ARIH1: variants seen among roughly 807,000 people sequenced by gnomAD.
ARIH1 encodes the protein ariadne RBR E3 ubiquitin protein ligase 1, also known as E3 ubiquitin-protein ligase ARIH1.
In ARIH1, 8 loss-of-function variants were observed where a neutral mutation model predicts 85.0. The observed-to-expected ratio is 0.09, with a 90% CI of 0.06 to 0.17. The LOEUF is 0.17. Among genes scored for constraint, ARIH1 ranks in the 10% least tolerant of loss-of-function variants. The pLI is 1.00. For synonymous variants in ARIH1, 238 were observed against 253.6 expected, an observed-to-expected ratio of 0.94 and a Z score of 0.59; for missense variants, 311 against 718.1, an observed-to-expected ratio of 0.43 and a Z score of 6.48.
intron 2 of ARIH1, among the ~76,000 whole-genome samples, chr15:72,533,024 G>GT (rs1437857326): frequency 1.3e-5 from 2 of 152,196 alleles, no homozygotes; most frequent in African/African-American, 2.4e-5. Flanking sequence ...TGTGGATATC[G>GT]TATCTCCAGT....
chr15:72,546,704 T>G lies in ARIH1; in HGVS notation c.588+1740T>G, dbSNP rs116524858. On this transcript the variant is annotated intron_variant, in intron 3 of 13. Transcript: ENST00000379887. ...TTTGTTTTGTTTTGTTTGTTTGTTTTTTTTGTAGAGACGGGGTTTCACCTG... is the reference window on the plus strand; with the variant it reads ...TTTGTTTTGTTTTGTTTGTTTGTTTGTTTTGTAGAGACGGGGTTTCACCTG... Among the ~76,000 whole-genome samples, 1,457 of 152,106 alleles carry G rather than the reference T, an allele frequency of 9.6e-3. 24 individuals are homozygous for G. Among genetic ancestry groups the G allele is most frequent in the African/African-American group, 0.032 (1,311 of 41,474 alleles).
At chr15:72,502,634 G>GGC (rs1345276065) in intron 1 of ARIH1, among the ~76,000 whole-genome samples, 1 of 151,988 alleles carries the variant, frequency 6.6e-6, no homozygotes, top group African/African-American at 2.4e-5. Flanking sequence ...GCGAAACCCT[G>GGC]TCTCTACAAA....
chr15:72,543,977 C>G (rs976144559), intron 2 of ARIH1, among the ~76,000 whole-genome samples: 1 of 152,014 alleles, frequency 6.6e-6, no homozygotes, highest in Non-Finnish European at 1.5e-5. Flanking sequence ...TTAACCACCT[C>G]AACCCACCTT....
At chr15:72,479,578 T>C (rs149933922) in intron 1 of ARIH1, among the ~76,000 whole-genome samples, 1 of 151,958 alleles carries the variant, frequency 6.6e-6, no homozygotes, top group East Asian at 2.0e-4. Flanking sequence ...CCAACTAATT[T>C]TTGTATTTTT....
chr15:72,527,668 G>A (rs893111550), intron 2 of ARIH1, among the ~76,000 whole-genome samples: 1 of 152,110 alleles, frequency 6.6e-6, no homozygotes, highest in Non-Finnish European at 1.5e-5. Flanking sequence ...GAGCATCTTT[G>A]GAATTGTACT....
intron 2 of ARIH1, among the ~76,000 whole-genome samples, chr15:72,534,915 G>A (rs12914512): frequency 0.89 from 132,568 of 148,772 alleles, 61,052 homozygotes; most frequent in East Asian, 1. Flanking sequence ...ACAATTCTGT[G>A]CATCACAAAT....
At position 72,474,843 on chromosome 15, in the gene ARIH1, T is replaced by TGGCGGC; in HGVS notation, c.208_213dup (p.Gly70_Gly71dup). On this transcript the variant is annotated inframe_insertion, in exon 1 of 14. Coordinates refer to ENST00000379887, the MANE Select transcript of ARIH1 (RefSeq NM_005744.5). ...GACTGCTGTGCGGGGAGACGGGCGG[T>TGGCGGC]GGCGGCGGCAGCGCTCTGGGGCCCG... 7.3e-7 allele frequency: 1 copy of TGGCGGC among 1,377,770 alleles called. No individual in the cohort carries two copies. Among genetic ancestry groups the TGGCGGC allele is most frequent in the South Asian group, 2.1e-5 (1 of 47,450 alleles). 85.3% of individuals were successfully genotyped at this position (1,377,770 alleles called of 1,614,324 possible).
intron 1 of ARIH1, among the ~76,000 whole-genome samples, chr15:72,504,275 G>T (rs1374041145): frequency 6.6e-6 from 1 of 152,074 alleles, no homozygotes; most frequent in South Asian, 2.1e-4. Context: ...GGCTGGACTC[G>T]AGCTTCTGAC....
intron 1 of ARIH1, among the ~76,000 whole-genome samples, chr15:72,500,587 A>G (rs2063898593): frequency 6.6e-6 from 1 of 152,060 alleles, no homozygotes; most frequent in African/African-American, 2.4e-5. Flanking sequence ...TGGAATTCCT[A>G]TCAGTTGAAT....
chr15:72,518,224 GA>G, intron 2 of ARIH1, 90 bp downstream of exon 2: 2 of 1,051,788 alleles, frequency 1.9e-6, no homozygotes, highest in Admixed American at 2.3e-5. Flanking sequence ...GGGAATTGAT[GA>G]ATATACCAGT....
At chr15:72,522,395 T>C (rs1445076127) in intron 2 of ARIH1, among the ~76,000 whole-genome samples, 1 of 152,146 alleles carries the variant, frequency 6.6e-6, no homozygotes, top group Non-Finnish European at 1.5e-5. Context: ...ACACCTGTTA[T>C]TCCAGCTATG....
At chr15:72,503,379 C>T (rs2063911628) in intron 1 of ARIH1, among the ~76,000 whole-genome samples, 1 of 152,126 alleles carries the variant, frequency 6.6e-6, no homozygotes, top group South Asian at 2.1e-4. Flanking sequence ...TATTTAGAGG[C>T]AGTTGTGACA....
At chr15:72,575,365 G>A (rs1294702120) in intron 11 of ARIH1, among the ~76,000 whole-genome samples, 6 of 151,924 alleles carry the variant, frequency 3.9e-5, no homozygotes, top group Admixed American at 2.6e-4. Flanking sequence ...GATTGAGTGC[G>A]GGAGTTTGAG....
chr15:72,546,178 A>G (rs1489591701), intron 3 of ARIH1, among the ~76,000 whole-genome samples: 2 of 152,124 alleles, frequency 1.3e-5, no homozygotes, highest in African/African-American at 4.8e-5. Flanking sequence ...AGTAGCTGGA[A>G]CTACAGACGT....
intron 1 of ARIH1, among the ~76,000 whole-genome samples, chr15:72,479,696 G>A (rs1395170333): frequency 2.0e-5 from 3 of 151,974 alleles, no homozygotes; most frequent in Non-Finnish European, 4.4e-5. Flanking sequence ...GTGAGCCACC[G>A]TGCCCAGCCA....
intron 9 of ARIH1, among the ~76,000 whole-genome samples, chr15:72,568,720 T>G (rs2064231240): frequency 6.6e-6 from 1 of 152,174 alleles, no homozygotes; most frequent in Non-Finnish European, 1.5e-5. Context: ...GAATGTAGAA[T>G]GACGCATATT....
At position 72,602,410 on chromosome 15, in the gene ARIH1, G is replaced by A. The variant is rs1272104589; in HGVS notation, c.*19118G>A. ...TCCTTGCACAGTTATATTTTCATATGTTAAAGAGCCATTTGTATTTCTTGG... is the reference window on the plus strand; with the variant it reads ...TCCTTGCACAGTTATATTTTCATATATTAAAGAGCCATTTGTATTTCTTGG... On this transcript the variant is annotated 3_prime_UTR_variant, in exon 14 of 14. Coordinates refer to ENST00000379887, the MANE Select transcript of ARIH1 (RefSeq NM_005744.5). The A allele has an allele frequency of 6.6e-6, 1 of 152,110 alleles. No homozygotes were observed. The highest frequency in any genetic ancestry group is 1.5e-5 in the Non-Finnish European group (1 of 68,016). 9.4% of individuals were successfully genotyped at this position (152,110 alleles called of 1,614,324 possible).
At chr15:72,552,092 A>G (rs2064155181) in intron 3 of ARIH1, among the ~76,000 whole-genome samples, 1 of 152,178 alleles carries the variant, frequency 6.6e-6, no homozygotes, top group Non-Finnish European at 1.5e-5. Context: ...TATTTATTAT[A>G]ATGTCACCTC....
chr15:72,576,431 G>A (rs1460370176), intron 11 of ARIH1, among the ~76,000 whole-genome samples: 7 of 150,066 alleles, frequency 4.7e-5, no homozygotes, highest in African/African-American at 9.8e-5. Context: ...GCATGAACCC[G>A]GGAGGTGGAG....
Sources: gnomAD v4.1 joint callset for allele counts (sites outside exome capture counted in the v4.1 genomes callset) on GRCh38, gnomAD v4.1.1 for gene constraint, MANE v1.5 for transcripts, NCBI Gene and HGNC (gene_info 2026-07-23, HGNC 2026-07-21) for gene names.